Variants in FRMD4A observed in about 807,000 individuals in gnomAD.
FRMD4A encodes the protein FERM domain containing 4A.
In FRMD4A, 29 loss-of-function variants were observed where a neutral mutation model predicts 129.1. The ratio of observed to expected loss-of-function variants is 0.22; its 90% confidence interval spans 0.17 to 0.31. The LOEUF is 0.31. Among genes scored for constraint, FRMD4A ranks in the 10% least tolerant of loss-of-function variants. The pLI is 1.00. For synonymous variants in FRMD4A, 634 were observed against 571.6 expected (o/e 1.11, Z -1.56); for missense variants, 1,272 against 1,375.8 (o/e 0.92, Z 1.19).
At chr10:13,942,214 T>A (rs556808766) in intron 2 of FRMD4A, among the ~76,000 whole-genome samples, 3 of 152,326 alleles carry the variant, frequency 2.0e-5, no homozygotes, top group African/African-American at 4.8e-5. Flanking sequence ...CAAATGAAAC[T>A]GGGGAAGCCT....
At chr10:13,859,241 G>A (rs953355594) in intron 2 of FRMD4A, among the ~76,000 whole-genome samples, 7 of 152,136 alleles carry the variant, frequency 4.6e-5, no homozygotes, top group African/African-American at 7.2e-5. Context: ...AAAATTAGCC[G>A]GGCGTGGTGG....
intron 2 of FRMD4A, among the ~76,000 whole-genome samples, chr10:14,198,817 T>G (rs1007058911): frequency 6.6e-6 from 1 of 152,218 alleles, no homozygotes; most frequent in East Asian, 1.9e-4. Flanking sequence ...AACTCCGCAT[T>G]TTATGAGCTG....
At chr10:14,034,453 C>G (rs1298029060) in intron 2 of FRMD4A, among the ~76,000 whole-genome samples, 1 of 152,208 alleles carries the variant, frequency 6.6e-6, no homozygotes, top group African/African-American at 2.4e-5. Context: ...GGCTGTGGAA[C>G]AGCCATGGGA....
chr10:13,963,187 A>T (rs1239664665), intron 2 of FRMD4A, among the ~76,000 whole-genome samples: 1 of 152,152 alleles, frequency 6.6e-6, no homozygotes, highest in African/African-American at 2.4e-5. Context: ...TGAATGCCTG[A>T]AAAAAACTAA....
At chr10:13,698,650 G>T (rs1346967713) in intron 14 of FRMD4A, among the ~76,000 whole-genome samples, 3 of 152,206 alleles carry the variant, frequency 2.0e-5, no homozygotes, top group Non-Finnish European at 4.4e-5. Flanking sequence ...ATTTCCTCAA[G>T]CAATTTCACA....
intron 2 of FRMD4A, chr10:13,971,511 C>T (rs1470139419): frequency 1.4e-5 from 6 of 425,256 alleles, no homozygotes; most frequent in East Asian, 7.2e-5. Flanking sequence ...GAAGATGAGG[C>T]TCTGTTCATG....
At chr10:13,669,585 CCCTGGCTCTAAGT>C (rs1232403287) in intron 17 of FRMD4A, among the ~76,000 whole-genome samples, 1 of 152,142 alleles carries the variant, frequency 6.6e-6, no homozygotes, top group African/African-American at 2.4e-5. Flanking sequence ...TTCCTTTTTC[CCCTGGCTCTAAGT>C]CCTGACCTTT....
At chr10:13,880,249 A>G (rs978674704) in intron 2 of FRMD4A, among the ~76,000 whole-genome samples, 2 of 152,090 alleles carry the variant, frequency 1.3e-5, no homozygotes, top group African/African-American at 4.8e-5. Context: ...TTCCCCTCCC[A>G]GGTAATGGTA....
chr10:13,924,135 A>G (rs1226737214), intron 2 of FRMD4A, among the ~76,000 whole-genome samples: 1 of 152,180 alleles, frequency 6.6e-6, no homozygotes, highest in Non-Finnish European at 1.5e-5. Flanking sequence ...TGCCCATCTC[A>G]TGGACATGCT....
intron 3 of FRMD4A, among the ~76,000 whole-genome samples, chr10:13,843,822 T>C (rs1175768271): frequency 6.6e-6 from 1 of 152,146 alleles, no homozygotes. Flanking sequence ...TGAACATTAT[T>C]GTGCAAGGAG....
intron 2 of FRMD4A, among the ~76,000 whole-genome samples, chr10:13,884,192 ACACT>A (rs1564971491): frequency 1.1e-4 from 10 of 91,984 alleles, no homozygotes; most frequent in Admixed American, 9.0e-4. Context: ...ACACACACAC[ACACT>A]CACACACACA....
chr10:13,656,625 C>G lies in FRMD4A; in HGVS notation c.2953+11G>C. 8.6e-6 allele frequency: 12 copies of G among 1,394,048 alleles called. No individual in the cohort carries two copies. The highest frequency in any genetic ancestry group is 1.8e-5 in the South Asian group (1 of 55,598). 86.4% of individuals were successfully genotyped at this position (1,394,048 alleles called of 1,614,324 possible). On this transcript the variant is annotated intron_variant, in intron 22 of 24. Coordinates refer to ENST00000357447, the MANE Select transcript of FRMD4A (RefSeq NM_018027.5). ...AGGTCTTCCCGCGTGCACCTGGCCG[C>G]CCCCTCTCACCTGACGTGGCCTTGC...
intron 2 of FRMD4A, chr10:14,326,843 C>T (rs1843296636): frequency 2.5e-6 from 1 of 398,652 alleles, no homozygotes; most frequent in Non-Finnish European, 4.4e-6. Context: ...TTGGTGAACA[C>T]AGCAGTATCT....
intron 8 of FRMD4A, among the ~76,000 whole-genome samples, chr10:13,754,141 G>A (rs1564745753): frequency 1.3e-5 from 2 of 152,116 alleles, no homozygotes; most frequent in South Asian, 2.1e-4. Flanking sequence ...GCCATGAAAC[G>A]TTTTGCTGTT....
intron 2 of FRMD4A, among the ~76,000 whole-genome samples, chr10:14,213,652 G>A (rs1464817425): frequency 6.6e-6 from 1 of 152,232 alleles, no homozygotes; most frequent in Non-Finnish European, 1.5e-5. Flanking sequence ...CAGCAAGCCA[G>A]CCCATCATGT....
At chr10:13,718,599 C>T (rs1469680218) in intron 12 of FRMD4A, among the ~76,000 whole-genome samples, 1 of 152,196 alleles carries the variant, frequency 6.6e-6, no homozygotes, top group Non-Finnish European at 1.5e-5. Flanking sequence ...GAGGGCTGGT[C>T]CTATTTAGAG....
chr10:13,898,373 TAAAAA>T (rs898067194), intron 2 of FRMD4A, among the ~76,000 whole-genome samples: 1 of 151,528 alleles, frequency 6.6e-6, no homozygotes, highest in Admixed American at 6.6e-5. Context: ...CTCAAAAAAA[TAAAAA>T]AATAAAAAAT....
intron 2 of FRMD4A, among the ~76,000 whole-genome samples, chr10:14,222,406 G>A (rs1843291986): frequency 6.6e-6 from 1 of 152,210 alleles, no homozygotes; most frequent in African/African-American, 2.4e-5. Context: ...CGTACCTGGA[G>A]AAGGTAAGTG....
At chr10:13,663,673 C>A (rs1300166679) in intron 18 of FRMD4A, among the ~76,000 whole-genome samples, 164 bp from the exon 19 acceptor site, 1 of 152,324 alleles carries the variant, frequency 6.6e-6, no homozygotes, top group South Asian at 2.1e-4. Context: ...TTTTGTCAGT[C>A]CCCGTGGTGG....
Sources: gnomAD v4.1 joint callset for allele counts (sites outside exome capture counted in the v4.1 genomes callset) on GRCh38, gnomAD v4.1.1 for gene constraint, MANE v1.5 for transcripts, NCBI Gene and HGNC (gene_info 2026-07-23, HGNC 2026-07-21) for gene names.